TSEN54: variants seen among roughly 807,000 people sequenced by gnomAD.
TSEN54 encodes tRNA splicing endonuclease subunit 54, also known as tRNA-splicing endonuclease subunit Sen54.
Under a neutral mutation model 61.9 loss-of-function variants are expected in TSEN54, and 55 were observed. That is an observed-to-expected ratio of 0.89 (90% CI 0.72 to 1.11). TSEN54 has a LOEUF of 1.11. Ranked by LOEUF, TSEN54 falls within the 50% of genes most tolerant of loss-of-function variation. The pLI is 0.00. For synonymous variants in TSEN54, 304 were observed against 288.7 expected, an observed-to-expected ratio of 1.05 and a Z score of -0.54; for missense variants, 760 against 687.7, an observed-to-expected ratio of 1.11 and a Z score of -1.18.
Position 75,524,487 on chromosome 17 carries a change from C to T in TSEN54, c.*75C>T, listed in dbSNP as rs757055905. ...CTGTTCTCAGGGACCATCTCGGCTGCCTCCTGTACCCAGACTCTAACCTGT... is the reference window on the plus strand; with the variant it reads ...CTGTTCTCAGGGACCATCTCGGCTGTCTCCTGTACCCAGACTCTAACCTGT... On this transcript the variant is annotated 3_prime_UTR_variant, in exon 11 of 11. Transcript: ENST00000333213. 1 of 1,578,644 alleles carries T rather than the reference C, an allele frequency of 6.3e-7. No homozygotes were observed. Among genetic ancestry groups the T allele is most frequent in the Non-Finnish European group, 8.7e-7 (1 of 1,154,266 alleles).
At chr17:75,520,942 G>A (rs1262673254) in intron 6 of TSEN54, among the ~76,000 whole-genome samples, 2 of 146,040 alleles carry the variant, frequency 1.4e-5, no homozygotes, top group South Asian at 2.1e-4. Flanking sequence ...GTGAGAGAAC[G>A]AGACTGTGTC....
chr17:75,523,477 G>C, intron 9 of TSEN54, 142 bp downstream of exon 9: 1 of 1,595,830 alleles, frequency 6.3e-7, no homozygotes, highest in Non-Finnish European at 8.5e-7. Flanking sequence ...GCAATAACTA[G>C]TGTTCGTGTG....
At chr17:75,523,375 C>T (rs1301202642) in intron 9 of TSEN54, 40 bp downstream of exon 9, 17 of 1,613,482 alleles carry the variant, frequency 1.1e-5, no homozygotes, top group Admixed American at 1.7e-5. Context: ...GTACCTTGAC[C>T]GCCAGGAGTT....
chr17:75,521,319 T>TAGGA (rs770465987), intron 6 of TSEN54, 90 bp from the exon 7 acceptor site: 26 of 1,100,056 alleles, frequency 2.4e-5, no homozygotes, highest in Non-Finnish European at 3.6e-5. Flanking sequence ...GCCCACTGAC[T>TAGGA]GTCCTCTTGG....
intron 5 of TSEN54, chr17:75,518,395 A>T: frequency 2.8e-6 from 1 of 361,524 alleles, no homozygotes; most frequent in Non-Finnish European, 3.8e-6. Context: ...GCAGAAACAG[A>T]CCGAGGAGTG....
intron 6 of TSEN54, among the ~76,000 whole-genome samples, chr17:75,520,736 A>G (rs1351948695): frequency 2.0e-5 from 3 of 152,144 alleles, no homozygotes; most frequent in Non-Finnish European, 4.4e-5. Flanking sequence ...CAGGTGGATC[A>G]TGAGGTCAGG....
intron 5 of TSEN54, chr17:75,518,493 C>T (rs2053396294): frequency 2.0e-6 from 2 of 983,486 alleles, no homozygotes; most frequent in African/African-American, 1.8e-5. Context: ...GTGCTAAAGC[C>T]TGCTGAGATC....
chr17:75,517,685 C>A, intron 5 of TSEN54, 30 bp downstream of exon 5: 1 of 1,562,054 alleles, frequency 6.4e-7, no homozygotes. Flanking sequence ...CTCCGGGAGC[C>A]ACCCATCCAC....
Position 75,523,746 on chromosome 17 carries a change from C to T in TSEN54, c.1397C>T (p.Pro466Leu). 6.2e-7 allele frequency: 1 copy of T among 1,614,080 alleles called. No individual in the cohort carries two copies. Reference sequence around the variant, plus strand: ...GTGGCCACATTCCGAAAGAATAACCCTGGCAAACCCTATGCCCGGATGTGC... The same window carrying T: ...GTGGCCACATTCCGAAAGAATAACCTTGGCAAACCCTATGCCCGGATGTGC... ...DAVATFRKNN[P>L]GKPYARMCIS... The change falls in exon 10 of 11, where the codon CCT (proline) becomes CTT (leucine). Residue 466 changes from proline to leucine, a missense_variant. Around this residue, in one of 3 missense-constraint regions of TSEN54, gnomAD observed 83 missense variants for 82.9 expected, o/e 1.00. Coordinates refer to ENST00000333213, the MANE Select transcript of TSEN54 (RefSeq NM_207346.3).
chr17:75,524,158 G>C, intron 10 of TSEN54, 104 bp from the exon 11 acceptor site: 1 of 1,537,248 alleles, frequency 6.5e-7, no homozygotes, highest in South Asian at 1.1e-5. Context: ...TCATGGGTCA[G>C]AATTCTTGCA....
At chr17:75,519,192 G>A (rs1050177208) in intron 6 of TSEN54, 145 bp downstream of exon 6, 32 of 924,068 alleles carry the variant, frequency 3.5e-5, no homozygotes, top group Non-Finnish European at 5.7e-5. Context: ...CCTGCTGGAA[G>A]CGTTCTGAGA....
chr17:75,517,744 C>A, intron 5 of TSEN54, 89 bp downstream of exon 5: 1 of 1,166,998 alleles, frequency 8.6e-7, no homozygotes, highest in South Asian at 1.2e-5. Flanking sequence ...GGCACAGTGT[C>A]ACATGCTGGG....
Position 75,524,277 on chromosome 17 carries a change from C to T in TSEN54, c.1446C>T (p.Val482=). 2 of 1,614,206 alleles carry T rather than the reference C, an allele frequency of 1.2e-6. No homozygotes were observed. Among genetic ancestry groups the T allele is most frequent in the Middle Eastern group, 1.6e-4 (1 of 6,062 alleles). ...GTCCCTGCAGATTTGATGAGCCTGT[C>T]CCAGACCTCTGCAGCCTCAAGCGGT... ...RMCISGFDEP[V]PDLCSLKRLS... Residue 482 remains valine (V), a synonymous_variant, in exon 11 of 11, where the codon GTC becomes GTT. Transcript: ENST00000333213.
rs551534861 is a variant in TSEN54, at chr17:75,518,152, T to C, written c.468+497T>C. On this transcript the variant is annotated intron_variant, in intron 5 of 10. Transcript: ENST00000333213. ...AGGACAAGACCAGTCGAAAGAACTG[T>C]GTCAGATAAGTTAATTTTGAGGAGC... 2.6e-5 allele frequency among the ~76,000 whole-genome samples: 4 copies of C among 152,252 alleles called. No individual in the cohort carries two copies. The South Asian group carries it at 6.2e-4, about 24-fold the overall frequency.
intron 6 of TSEN54, among the ~76,000 whole-genome samples, chr17:75,520,329 G>A (rs1270632464): frequency 6.6e-6 from 1 of 151,974 alleles, no homozygotes; most frequent in Non-Finnish European, 1.5e-5. Context: ...CAGCATTTTG[G>A]GAGGCCGACG....
At chr17:75,518,922 C>T (rs771098175) in intron 5 of TSEN54, 73 bp from the exon 6 acceptor site, 14 of 1,606,482 alleles carry the variant, frequency 8.7e-6, no homozygotes, top group African/African-American at 2.7e-5. Flanking sequence ...TGGGGATGGC[C>T]TGTGTCTGGA....
intron 8 of TSEN54, chr17:75,522,576 T>C: frequency 7.1e-7 from 1 of 1,406,438 alleles, no homozygotes; most frequent in Non-Finnish European, 9.3e-7. Flanking sequence ...CTTAAAAAGA[T>C]AAACAACATG....
In TSEN54 at chr17:75,517,648, A is replaced by G; in HGVS notation, c.461A>G (p.Gln154Arg). Reference sequence around the variant, plus strand: ...ACCGACCACACTGTGACCTTCCTGCAGTACCAGGTATCTGCCACCACCCCG... The same window carrying G: ...ACCGACCACACTGTGACCTTCCTGCGGTACCAGGTATCTGCCACCACCCCG... Reference protein sequence around the residue: ...LLTDHTVTFLQYQVFSHLKRL... With the variant: ...LLTDHTVTFLRYQVFSHLKRL... Residue 154 changes from glutamine (Q) to arginine (R), a missense_variant, in exon 5 of 11, where the codon CAG becomes CGG. Physicochemically the swap from Gln to Arg is conservative, Grantham distance 43. Around this residue, in one of 3 missense-constraint regions of TSEN54, gnomAD observed 667 missense variants for 577.8 expected, o/e 1.15. Transcript: ENST00000333213. 1 of 1,613,634 alleles carries G rather than the reference A, an allele frequency of 6.2e-7. No individual in the cohort carries two copies. The highest frequency in any genetic ancestry group is 8.5e-7 in the Non-Finnish European group (1 of 1,179,908).
chr17:75,517,364 G>C, intron 4 of TSEN54, 120 bp downstream of exon 4: 5 of 1,288,064 alleles, frequency 3.9e-6, no homozygotes, highest in Non-Finnish European at 5.5e-6. Context: ...AACTTCTAAA[G>C]CAGGAGGTGG....
Sources: allele counts gnomAD v4.1 joint callset (sites outside exome capture counted in the v4.1 genomes callset), GRCh38; gene constraint gnomAD v4.1.1; regional missense constraint gnomAD v4.1.1; transcripts MANE v1.5; gene names NCBI Gene and HGNC (gene_info 2026-07-23, HGNC 2026-07-21).